DYDC1: variants seen among roughly 807,000 people sequenced by gnomAD.
The protein encoded by DYDC1 is DPY30 domain containing 1.
Under a neutral mutation model 27.9 loss-of-function variants are expected in DYDC1, and 21 were observed. The ratio of observed to expected loss-of-function variants is 0.75; its 90% CI spans 0.53 to 1.08. The LOEUF (loss-of-function observed/expected upper bound fraction) is 1.08. DYDC1 is among the 50% of genes least tolerant of loss of function. The pLI is 0.00. For synonymous variants in DYDC1, 67 were observed against 65.8 expected, an observed-to-expected ratio of 1.02 and a Z score of -0.09; for missense variants, 202 against 205.9, an observed-to-expected ratio of 0.98 and a Z score of 0.12.
chr10:80,345,228 T>C (rs1307119491), intron 3 of DYDC1, among the ~76,000 whole-genome samples: 1 of 152,196 alleles, frequency 6.6e-6, no homozygotes, highest in African/African-American at 2.4e-5. Context: ...AAACAGAAGC[T>C]GAATATATCC....
Position 80,351,975 on chromosome 10 carries a change from G to A in DYDC1, c.175C>T (p.Arg59Cys), listed in dbSNP as rs142759387. 9.8e-5 allele frequency: 158 copies of A among 1,613,952 alleles called. No individual in the cohort carries two copies. Among genetic ancestry groups the A allele is most frequent in the African/African-American group, 9.2e-4 (69 of 74,996 alleles). ...TCCATCAGAGCTAATTCTCTTTCAC[G>A]CTCCAGCTTGGCCATTTCCTTTTGT... is the stretch of plus-strand genomic sequence containing the variant. ...LRQKEMAKLE[R>C]ERELALMEQE... Residue 59 changes from arginine to cysteine, a missense_variant, in exon 3 of 7, where the codon CGT becomes TGT. Physicochemically the swap from Arg to Cys is radical, Grantham distance 180. Transcript: ENST00000372202.
chr10:80,348,791 T>A (rs1431058990), intron 3 of DYDC1, among the ~76,000 whole-genome samples: 1 of 152,228 alleles, frequency 6.6e-6, no homozygotes, highest in African/African-American at 2.4e-5. Context: ...TTAATTTAAA[T>A]TATACACACA....
At chr10:80,346,613 A>G (rs1842655813) in intron 3 of DYDC1, among the ~76,000 whole-genome samples, 1 of 151,038 alleles carries the variant, frequency 6.6e-6, no homozygotes, top group Non-Finnish European at 1.5e-5. Context: ...GGCGCCCGCC[A>G]CCACGCCCGG....
rs1325219033 is a variant in DYDC1 at position 80,356,722 on chromosome 10, G to T, written c.-20C>A. The T allele has an allele frequency of 4.1e-6, 4 of 985,104 alleles. No individual in the cohort carries two copies. In the African/African-American group the frequency reaches 5.2e-5, roughly 13 times the overall value. The allele number at this position is 985,104 out of a possible 1,614,324, so 61.0% of individuals were successfully genotyped here. A position where few individuals can be genotyped will look rare whatever the true frequency, so the allele number is the denominator to read the frequency against. On this transcript the variant is annotated 5_prime_UTR_variant, in exon 1 of 7. Transcript: ENST00000372202. ...TTCCGGTGCGCTCACCCCTACACAC[G>T]CGCCTGCTCGCCACCCAGGAGCGGC...
intron 4 of DYDC1, among the ~76,000 whole-genome samples, chr10:80,340,490 G>A (rs1436855888): frequency 6.6e-6 from 1 of 152,192 alleles, no homozygotes; most frequent in Non-Finnish European, 1.5e-5. Flanking sequence ...GATGTCTGGA[G>A]ATAGTAAAAT....
intron 3 of DYDC1, among the ~76,000 whole-genome samples, chr10:80,346,875 G>A (rs1842674084): frequency 6.7e-6 from 1 of 150,316 alleles, no homozygotes; most frequent in Non-Finnish European, 1.5e-5. Flanking sequence ...AGGAGTTCAA[G>A]ACCAGCCTGG....
At chr10:80,351,173 T>G (rs1440472766) in intron 3 of DYDC1, among the ~76,000 whole-genome samples, 1 of 152,180 alleles carries the variant, frequency 6.6e-6, no homozygotes, top group East Asian at 1.9e-4. Context: ...GTGAACATGG[T>G]GCCTACTTCA....
intron 1 of DYDC1, chr10:80,356,465 T>C: frequency 1.0e-6 from 1 of 985,142 alleles, no homozygotes. Context: ...TCAGTGTGGT[T>C]TTCCCACCCG....
chr10:80,352,313 C>T, intron 2 of DYDC1, 142 bp downstream of exon 2: 3 of 1,231,678 alleles, frequency 2.4e-6, no homozygotes, highest in South Asian at 2.1e-5. Flanking sequence ...TTTTCTCCTT[C>T]CTGCTTTTCA....
Position 80,342,765 on chromosome 10 carries a change from G to A in DYDC1, c.250-404C>T, listed in dbSNP as rs559037159. Among the ~76,000 whole-genome samples the A allele has an allele frequency of 7.9e-5, 12 of 152,200 alleles. No homozygotes were observed. In the South Asian group the frequency reaches 2.5e-3, roughly 32 times the overall value. On this transcript the variant is annotated intron_variant, in intron 3 of 6. Transcript: ENST00000372202. ...AGAAGCCAAGGTAGGCAGATCATCT[G>A]AGGTCAGGAGTTTGAGACCAGACTG...
intron 6 of DYDC1, 25 bp from the exon 7 acceptor site, chr10:80,336,210 A>G: frequency 1.3e-6 from 2 of 1,571,120 alleles, no homozygotes; most frequent in Non-Finnish European, 1.7e-6. Context: ...AAAAGTAAAT[A>G]TTCCTTAATA....
At chr10:80,336,992 T>A in intron 6 of DYDC1, 1 of 388,696 alleles carries the variant, frequency 2.6e-6, no homozygotes, top group Non-Finnish European at 3.5e-6. Flanking sequence ...TGCACTTAAG[T>A]CCAAAATCCC....
chr10:80,342,758 A>G (rs150777981), intron 3 of DYDC1, among the ~76,000 whole-genome samples: 99 of 152,244 alleles, frequency 6.5e-4, no homozygotes, highest in Middle Eastern at 3.4e-3. Flanking sequence ...AGGTAGGCAG[A>G]TCATCTGAGG....
intron 3 of DYDC1, among the ~76,000 whole-genome samples, chr10:80,350,837 C>T (rs1842936606): frequency 6.6e-6 from 1 of 152,104 alleles, no homozygotes; most frequent in African/African-American, 2.4e-5. Context: ...CTGGAACTTT[C>T]CTCTCTCCAG....
At chr10:80,340,840 A>C (rs1282793589) in intron 4 of DYDC1, among the ~76,000 whole-genome samples, 1 of 152,222 alleles carries the variant, frequency 6.6e-6, no homozygotes, top group Non-Finnish European at 1.5e-5. Flanking sequence ...GTGAATCTTA[A>C]AGAGAAAGGG....
chr10:80,337,852 A>C (rs1407892126), intron 6 of DYDC1, among the ~76,000 whole-genome samples: 1 of 152,216 alleles, frequency 6.6e-6, no homozygotes, highest in Admixed American at 6.5e-5. Flanking sequence ...CCCTTCTTCC[A>C]GGACAGTCCT....
intron 1 of DYDC1, among the ~76,000 whole-genome samples, chr10:80,355,359 A>G (rs1022867394): frequency 1.3e-5 from 2 of 151,938 alleles, no homozygotes; most frequent in Admixed American, 1.3e-4. Context: ...TGCCATAACT[A>G]TGTGCATATG....
In DYDC1 at chr10:80,351,418, T is replaced by C. The variant is rs534796429; in HGVS notation, c.249+483A>G. 3.3e-5 allele frequency among the ~76,000 whole-genome samples: 5 copies of C among 150,990 alleles called. No homozygotes were observed. In the South Asian group the frequency reaches 1.0e-3, roughly 32 times the overall value. ...AAATCAAAACAAACACAAAAACATC[T>C]CTCCTTGCTATCAAAATCTCCTTGA... On this transcript the variant is annotated intron_variant, in intron 3 of 6. Transcript: ENST00000372202.
intron 1 of DYDC1, among the ~76,000 whole-genome samples, chr10:80,354,136 A>T (rs371078843): frequency 1.3e-5 from 2 of 148,948 alleles, no homozygotes; most frequent in South Asian, 4.2e-4. Flanking sequence ...AAAAATATAT[A>T]TATATATATT....
Sources: allele counts gnomAD v4.1 joint callset (sites outside exome capture counted in the v4.1 genomes callset), GRCh38; gene constraint gnomAD v4.1.1; transcripts MANE v1.5; gene names NCBI Gene and HGNC (gene_info 2026-07-23, HGNC 2026-07-21).